Variants in EYS observed in about 807,000 individuals in gnomAD.
The protein encoded by EYS is protein eyes shut homolog.
Under a neutral mutation model 282.1 loss-of-function variants are expected in EYS, and 250 were observed. That is an observed-to-expected ratio of 0.89 (90% confidence interval 0.80 to 0.98). EYS has a LOEUF of 0.98. Among genes scored for constraint, EYS ranks in the 50% least tolerant of loss-of-function variants. EYS has a pLI of 0.00. For synonymous variants in EYS, 1,355 were observed against 1,282.9 expected (o/e 1.06, Z -1.20); for missense variants, 4,016 against 3,709.0 (o/e 1.08, Z -2.15).
intron 22 of EYS, among the ~76,000 whole-genome samples, chr6:64,711,743 T>C (rs972727753): frequency 6.6e-6 from 1 of 152,224 alleles, no homozygotes; most frequent in African/African-American, 2.4e-5. Context: ...AAATACGCTA[T>C]GCTATTCCTC....
chr6:65,210,079 C>A (rs1766137080), intron 12 of EYS, among the ~76,000 whole-genome samples: 2 of 151,836 alleles, frequency 1.3e-5, no homozygotes, highest in African/African-American at 4.8e-5. Flanking sequence ...TGAAATGGAT[C>A]AAATTAATGA....
intron 19 of EYS, among the ~76,000 whole-genome samples, chr6:64,829,440 T>C (rs1765152344): frequency 6.6e-6 from 1 of 152,010 alleles, no homozygotes; most frequent in East Asian, 1.9e-4. Flanking sequence ...CACTTAATGG[T>C]CAGCCTTTCT....
At chr6:65,601,449 C>G (rs1414116387) in intron 2 of EYS, among the ~76,000 whole-genome samples, 1 of 151,776 alleles carries the variant, frequency 6.6e-6, no homozygotes. Flanking sequence ...CACAGAGATA[C>G]CAGCACCAAT....
chr6:63,737,917 TG>T (rs1768965567), intron 41 of EYS, among the ~76,000 whole-genome samples: 1 of 151,972 alleles, frequency 6.6e-6, no homozygotes, highest in Admixed American at 6.5e-5. Context: ...CATCAAAAAG[TG>T]GGTGAAGGAC....
intron 13 of EYS, among the ~76,000 whole-genome samples, chr6:65,036,188 C>T (rs1292726736): frequency 1.3e-5 from 2 of 151,568 alleles, no homozygotes; most frequent in South Asian, 2.1e-4. Context: ...CACCTAAAAC[C>T]ATCTGATTTT....
At chr6:65,370,764 C>T (rs1037274382) in intron 8 of EYS, among the ~76,000 whole-genome samples, 5 of 151,966 alleles carry the variant, frequency 3.3e-5, no homozygotes, top group Admixed American at 6.6e-5. Flanking sequence ...CTATAGTCTG[C>T]GCACTTCCTA....
chr6:65,162,911 T>C (rs375168615), intron 12 of EYS, among the ~76,000 whole-genome samples: 1 of 147,288 alleles, frequency 6.8e-6, no homozygotes. Flanking sequence ...CCTGTTCTGT[T>C]TGTGTGTGTG....
rs533400375 is a variant in EYS, at chr6:64,729,786, C to T, written c.3443+83592G>A. 7.9e-5 allele frequency among the ~76,000 whole-genome samples: 12 copies of T among 151,858 alleles called. No homozygotes were observed. In the South Asian group the frequency reaches 1.5e-3, roughly 18 times the overall value. ...TACACAATGTTATTATGGATACAAA[C>T]GACTGATACACCAAGGAATAAAAGC... On this transcript the variant is annotated intron_variant, in intron 22 of 42. Transcript: ENST00000503581.
chr6:65,087,235 C>T (rs964752365), intron 12 of EYS, among the ~76,000 whole-genome samples: 1 of 152,098 alleles, frequency 6.6e-6, no homozygotes, highest in Non-Finnish European at 1.5e-5. Flanking sequence ...TTCACTTTAA[C>T]AGGTATCATA....
intron 29 of EYS, among the ~76,000 whole-genome samples, chr6:64,352,898 C>T (rs1381234266): frequency 6.6e-6 from 1 of 151,380 alleles, no homozygotes; most frequent in Non-Finnish European, 1.5e-5. Context: ...TCTAATTATA[C>T]AGTTCATTCT....
Position 64,328,677 on chromosome 6 carries a change from G to T in EYS, c.6079-21595C>A, listed in dbSNP as rs933725643. ...CTAAATAACCCAGGTTATCTATGTG[G>T]CTACTAATGTATTTGTAAATTGGGA... On this transcript the variant is annotated intron_variant, in intron 29 of 42. Coordinates refer to ENST00000503581, the MANE Select transcript of EYS (RefSeq NM_001142800.2). 2.0e-5 allele frequency among the ~76,000 whole-genome samples: 3 copies of T among 152,274 alleles called. No individual in the cohort carries two copies. The South Asian group carries it at 6.2e-4, about 32-fold the overall frequency.
chr6:63,867,204 C>A (rs1581912178), intron 35 of EYS, among the ~76,000 whole-genome samples: 1 of 152,242 alleles, frequency 6.6e-6, no homozygotes, highest in East Asian at 1.9e-4. Context: ...CCCTCTTTTG[C>A]TCAGTTTACT....
At chr6:64,146,250 C>T (rs1226429733) in intron 31 of EYS, among the ~76,000 whole-genome samples, 1 of 152,126 alleles carries the variant, frequency 6.6e-6, no homozygotes, top group Non-Finnish European at 1.5e-5. Context: ...ATCCATTGTA[C>T]TCACTCACCT....
chr6:63,745,094 A>G lies in EYS; in HGVS notation c.8071+17367T>C, dbSNP rs115939511. 2.6e-3 allele frequency: 960 copies of G among 362,474 alleles called. 7 individuals carry two copies. Among genetic ancestry groups the G allele is most frequent in the African/African-American group, 0.02 (903 of 44,956 alleles). The allele number at this position is 362,474 out of a possible 1,614,324, so 22.5% of individuals were successfully genotyped here. On this transcript the variant is annotated intron_variant, in intron 41 of 42. Coordinates refer to ENST00000503581, the MANE Select transcript of EYS (RefSeq NM_001142800.2). ...AATAGAAGCTAAATAGATAAGTAGAATGATAAAGCCAGCTTTTTCCTCGAG... is the reference window on the plus strand; with the variant it reads ...AATAGAAGCTAAATAGATAAGTAGAGTGATAAAGCCAGCTTTTTCCTCGAG...
chr6:65,145,330 A>G (rs534773016), intron 12 of EYS, among the ~76,000 whole-genome samples: 2 of 152,162 alleles, frequency 1.3e-5, no homozygotes, highest in East Asian at 3.9e-4. Context: ...ATAATTATAT[A>G]TAGGTATTTT....
chr6:64,853,900 C>T (rs1279200015), intron 19 of EYS, among the ~76,000 whole-genome samples: 1 of 151,696 alleles, frequency 6.6e-6, no homozygotes, highest in African/African-American at 2.4e-5. Flanking sequence ...AACAAATTTA[C>T]AAGAAAAAAA....
At chr6:64,965,286 A>G (rs547651649) in intron 14 of EYS, among the ~76,000 whole-genome samples, 70 of 152,214 alleles carry the variant, frequency 4.6e-4, no homozygotes, top group African/African-American at 1.6e-3. Context: ...TCTGAAAATT[A>G]CTATAATGTC....
chr6:64,750,879 C>T (rs1252709021), intron 22 of EYS, among the ~76,000 whole-genome samples: 3 of 152,184 alleles, frequency 2.0e-5, no homozygotes, highest in Non-Finnish European at 2.9e-5. Flanking sequence ...AGCCCCAGTA[C>T]ATGAGAGGGG....
At chr6:65,674,331 G>A (rs151209749) in intron 1 of EYS, among the ~76,000 whole-genome samples, 37 of 151,156 alleles carry the variant, frequency 2.4e-4, no homozygotes, top group Middle Eastern at 3.4e-3. Context: ...AAGACACAAT[G>A]TAATCACATT....
Sources: gnomAD v4.1 joint callset for allele counts (sites outside exome capture counted in the v4.1 genomes callset) on GRCh38, gnomAD v4.1.1 for gene constraint, MANE v1.5 for transcripts, NCBI Gene and HGNC (gene_info 2026-07-23, HGNC 2026-07-21) for gene names.